The following MIPOL1 variants were observed in gnomAD, a reference collection of about 807,000 sequenced individuals.
The protein encoded by MIPOL1 is mirror-image polydactyly 1.
Under a neutral mutation model 60.9 loss-of-function variants are expected in MIPOL1, and 57 were observed. The observed-to-expected ratio is 0.94, with a 90% CI of 0.76 to 1.17. MIPOL1 has a LOEUF of 1.17. Among genes scored for constraint, MIPOL1 ranks in the 50% most tolerant of loss-of-function variants. MIPOL1 has a pLI of 0.00. For synonymous variants in MIPOL1, 179 were observed against 168.8 expected (o/e 1.06, Z -0.47); for missense variants, 551 against 511.6 (o/e 1.08, Z -0.74).
chr14:37,338,399 C>T (rs113518149), intron 9 of MIPOL1, among the ~76,000 whole-genome samples: 1,855 of 114,192 alleles, frequency 0.016, 14 homozygotes, highest in Middle Eastern at 0.037. Context: ...CGTGAACCAC[C>T]GCGCCTGGCC....
chr14:37,523,463 T>C (rs939214150), intron 12 of MIPOL1: 2 of 397,196 alleles, frequency 5.0e-6, no homozygotes, highest in East Asian at 3.6e-5. Context: ...TTAGAGTTTT[T>C]TTTTTCCAGA....
At chr14:37,538,032 G>A (rs543042841) in intron 12 of MIPOL1, among the ~76,000 whole-genome samples, 10 of 152,304 alleles carry the variant, frequency 6.6e-5, no homozygotes, top group African/African-American at 2.4e-4. Context: ...GCTTCTGGAT[G>A]ATACCCTGTA....
At chr14:37,349,147 C>G (rs1001435067) in intron 9 of MIPOL1, among the ~76,000 whole-genome samples, 1 of 151,898 alleles carries the variant, frequency 6.6e-6, no homozygotes, top group Non-Finnish European at 1.5e-5. Flanking sequence ...TACCACTACA[C>G]CTGGCTAATT....
intron 10 of MIPOL1, among the ~76,000 whole-genome samples, chr14:37,394,592 C>A (rs2093335788): frequency 6.6e-6 from 1 of 151,828 alleles, no homozygotes; most frequent in Non-Finnish European, 1.5e-5. Context: ...TGTCCTTAGC[C>A]CACTTTTTGA....
intron 10 of MIPOL1, among the ~76,000 whole-genome samples, chr14:37,419,136 C>T (rs9322980): frequency 0.56 from 85,082 of 151,904 alleles, 25,545 homozygotes; most frequent in Non-Finnish European, 0.67. Context: ...GATTGTGATA[C>T]ATTCATACAA....
intron 12 of MIPOL1, among the ~76,000 whole-genome samples, chr14:37,543,283 T>G (rs1265726885): frequency 6.6e-6 from 1 of 151,830 alleles, no homozygotes; most frequent in East Asian, 1.9e-4. Flanking sequence ...AGTTATTTTA[T>G]TATTTTTTTT....
intron 11 of MIPOL1, among the ~76,000 whole-genome samples, chr14:37,483,923 G>A (rs1047314615): frequency 2.6e-4 from 40 of 152,196 alleles, no homozygotes; most frequent in African/African-American, 9.1e-4. Flanking sequence ...GGTGTGAGCC[G>A]CCACAACTGT....
chr14:37,356,235 G>A (rs1169835696), intron 9 of MIPOL1, among the ~76,000 whole-genome samples: 1 of 151,398 alleles, frequency 6.6e-6, no homozygotes, highest in Non-Finnish European at 1.5e-5. Flanking sequence ...CAGGGGTCAG[G>A]GACCCACTTG....
At chr14:37,368,557 A>T (rs898529864) in intron 9 of MIPOL1, among the ~76,000 whole-genome samples, 1 of 152,072 alleles carries the variant, frequency 6.6e-6, no homozygotes, top group Admixed American at 6.6e-5. Flanking sequence ...CCAGATCTTA[A>T]ATCAGTATGT....
chr14:37,524,346 TTCTGG>T (rs1261712433), intron 12 of MIPOL1, among the ~76,000 whole-genome samples: 4 of 152,012 alleles, frequency 2.6e-5, no homozygotes, highest in African/African-American at 9.7e-5. Context: ...ACAGTAGACT[TTCTGG>T]AAAGATACAG....
chr14:37,239,257 G>A (rs1971990021), intron 1 of MIPOL1, among the ~76,000 whole-genome samples: 1 of 151,900 alleles, frequency 6.6e-6, no homozygotes, highest in African/African-American at 2.4e-5. Flanking sequence ...ATGTTAGCCA[G>A]GATGGTCTCG....
At chr14:37,416,038 A>G (rs2093763358) in intron 10 of MIPOL1, among the ~76,000 whole-genome samples, 1 of 152,174 alleles carries the variant, frequency 6.6e-6, no homozygotes. Context: ...CAATAGAAAT[A>G]GCATTTATTC....
intron 11 of MIPOL1, among the ~76,000 whole-genome samples, chr14:37,497,084 T>C (rs2153611308): frequency 1.3e-5 from 2 of 152,204 alleles, no homozygotes; most frequent in South Asian, 4.1e-4. Context: ...GAAAACTGGC[T>C]AGCCATATGT....
chr14:37,476,037 T>C (rs967779239), intron 11 of MIPOL1, among the ~76,000 whole-genome samples: 5 of 152,346 alleles, frequency 3.3e-5, no homozygotes, highest in African/African-American at 1.2e-4. Context: ...TACTGAGTTA[T>C]CTTATCCAAG....
intron 3 of MIPOL1, among the ~76,000 whole-genome samples, chr14:37,257,551 A>T (rs1975166782): frequency 6.6e-6 from 1 of 152,136 alleles, no homozygotes; most frequent in Admixed American, 6.6e-5. Flanking sequence ...TTATCTGCCA[A>T]AGGCAGGTTT....
intron 9 of MIPOL1, among the ~76,000 whole-genome samples, chr14:37,315,167 G>T (rs1489349450): frequency 6.6e-6 from 1 of 152,168 alleles, no homozygotes; most frequent in Non-Finnish European, 1.5e-5. Context: ...AAGACTTGAA[G>T]ACTTGAAGAA....
chr14:37,328,550 T>C (rs1595162425), intron 9 of MIPOL1, among the ~76,000 whole-genome samples: 1 of 152,178 alleles, frequency 6.6e-6, no homozygotes, highest in Non-Finnish European at 1.5e-5. Context: ...TTCAAACATA[T>C]AGTTTTTAAA....
intron 12 of MIPOL1, among the ~76,000 whole-genome samples, chr14:37,544,265 T>C (rs1026061309): frequency 2.0e-4 from 30 of 152,244 alleles, no homozygotes; most frequent in Non-Finnish European, 3.8e-4. Context: ...TAAAGTCTTC[T>C]CATCCTTCTG....
At chr14:37,399,048 A>G (rs2093431570) in intron 10 of MIPOL1, among the ~76,000 whole-genome samples, 1 of 152,162 alleles carries the variant, frequency 6.6e-6, no homozygotes, top group African/African-American at 2.4e-5. Flanking sequence ...CAAGATTGCA[A>G]TTAAGTGCTG....
Sources: allele counts gnomAD v4.1 joint callset (sites outside exome capture counted in the v4.1 genomes callset), GRCh38; gene constraint gnomAD v4.1.1; transcripts MANE v1.5; gene names NCBI Gene and HGNC (gene_info 2026-07-23, HGNC 2026-07-21).